Variants in RNF31 observed in about 807,000 individuals in gnomAD.
RNF31 encodes E3 ubiquitin-protein ligase RNF31.
Under a neutral mutation model 133.6 loss-of-function variants are expected in RNF31, and 38 were observed. The observed-to-expected ratio is 0.28, with a 90% confidence interval of 0.22 to 0.37. RNF31 has a LOEUF of 0.37. Among genes scored for constraint, RNF31 ranks in the 10% least tolerant of loss-of-function variants. The pLI, the probability that RNF31 is intolerant of heterozygous loss-of-function variation, is 1.00. For missense variants in RNF31, 1,118 were observed against 1,394.1 expected (o/e 0.80, Z 3.15); for synonymous variants, 582 against 552.3 (o/e 1.05, Z -0.75).
At chr14:24,152,831 C>T (rs1433476477) in intron 11 of RNF31, among the ~76,000 whole-genome samples, 1 of 152,188 alleles carries the variant, frequency 6.6e-6, no homozygotes, top group Non-Finnish European at 1.5e-5. Flanking sequence ...CCTCTAATGC[C>T]AGCACTTTGG....
intron 18 of RNF31, among the ~76,000 whole-genome samples, chr14:24,159,584 CAAAAAA>C (rs59295225): frequency 9.7e-5 from 8 of 82,214 alleles, no homozygotes; most frequent in South Asian, 8.1e-4. Flanking sequence ...AAATAACAAC[CAAAAAA>C]AAAAAAAAAA....
In RNF31 at chr14:24,147,851, G is replaced by A; in HGVS notation, c.153G>A (p.Leu51=). The part of the protein sequence containing the change: ...SLPLAARYLQ[L]DAARLVRCNA... ...CGCTAGCCGCCCGCTACCTGCAGCT[G>A]GACGCCGCACGCCTTGTCCGCTGCA... Residue 51 remains leucine (L), a synonymous_variant, in exon 1 of 21, where the codon CTG becomes CTA. Coordinates refer to ENST00000324103, the MANE Select transcript of RNF31 (RefSeq NM_017999.5). 6.2e-7 allele frequency: 1 copy of A among 1,610,412 alleles called. No homozygotes were observed. The highest frequency in any genetic ancestry group is 8.5e-7 in the Non-Finnish European group (1 of 1,179,554).
rs771625777 is a variant in RNF31 at position 24,150,293 on chromosome 14, G to A, written c.1042G>A (p.Asp348Asn). 1.2e-6 allele frequency: 2 copies of A among 1,614,230 alleles called. No individual in the cohort carries two copies. The highest frequency in any genetic ancestry group is 1.1e-5 in the South Asian group (1 of 91,090). The change falls in exon 7 of 21, where the codon GAT (aspartate) becomes AAT (asparagine). Residue 348 changes from aspartate to asparagine, a missense_variant. By Grantham distance (23) the Asp-to-Asn change is conservative. This residue lies in a region of RNF31 where 747 missense variants were observed against 827.9 expected (regional missense o/e 0.90). Coordinates refer to ENST00000324103, the MANE Select transcript of RNF31 (RefSeq NM_017999.5). ...GPQGTGGLEPDLARGRWACQS... is the reference protein window; with the variant it reads ...GPQGTGGLEPNLARGRWACQS... ...CCAAGGAACTGGAGGCCTAGAACCT[G>A]ATCTTGCACGGGGTCGGTGGGCCTG...
chr14:24,149,897 A>AT (rs770601281), intron 6 of RNF31, among the ~76,000 whole-genome samples, 164 bp from the exon 7 acceptor site: 1 of 152,234 alleles, frequency 6.6e-6, no homozygotes, highest in Non-Finnish European at 1.5e-5. Flanking sequence ...TTAAGCTGTC[A>AT]TTTAAATGTT....
In RNF31 at chr14:24,150,066, C is replaced by T. The variant is rs780888643; in HGVS notation, c.815C>T (p.Pro272Leu). 1.3e-6 allele frequency: 2 copies of T among 1,565,188 alleles called. No individual in the cohort carries two copies. The highest frequency in any genetic ancestry group is 2.3e-5 in the South Asian group (2 of 86,886). The change falls in exon 7 of 21, where the codon CCT becomes CTT. Residue 272 changes from proline to leucine, a missense_variant. Transcript: ENST00000324103. Reference sequence around the variant, plus strand: ...TGTCTGCTTTTCCATTACAGTTTACCTGCCTCAGCCCAACCACGGCCCCAG... The same window carrying T: ...TGTCTGCTTTTCCATTACAGTTTACTTGCCTCAGCCCAACCACGGCCCCAG... The part of the protein sequence containing the change: ...LQGTHLSPSL[P>L]ASAQPRPQST...
rs2139087979 is a variant in RNF31, at chr14:24,155,540, G to A, written c.2403+28G>A. On this transcript the variant is annotated intron_variant, in intron 13 of 20. Transcript: ENST00000324103. The surrounding 1 kb of genome is among the most constrained non-coding windows in gnomAD (Gnocchi z 4.9). ...AAGTGGCCTGCCCAGGGCAGCTACT[G>A]TGGAGGGGCAGGGGATGGTTCCAGG... 6.2e-7 allele frequency: 1 copy of A among 1,613,440 alleles called. No individual in the cohort carries two copies. Among genetic ancestry groups the A allele is most frequent in the Non-Finnish European group, 8.5e-7 (1 of 1,179,324 alleles).
At position 24,157,511 on chromosome 14, in the gene RNF31, C is replaced by T; in HGVS notation, c.2609-9C>T. 6.2e-7 allele frequency: 1 copy of T among 1,613,436 alleles called. No individual in the cohort carries two copies. The highest frequency in any genetic ancestry group is 8.5e-7 in the Non-Finnish European group (1 of 1,179,338). On this transcript the variant is annotated splice_polypyrimidine_tract_variant and intron_variant, in intron 15 of 20. Transcript: ENST00000324103. ...GGCAGCTCCAGCCCTGACCTCTTGTCCTTTGCAGACTGCCCCAAATGCAAG... is the reference window on the plus strand; with the variant it reads ...GGCAGCTCCAGCCCTGACCTCTTGTTCTTTGCAGACTGCCCCAAATGCAAG...
Sources: allele counts gnomAD v4.1 joint callset (sites outside exome capture counted in the v4.1 genomes callset), GRCh38; gene constraint gnomAD v4.1.1; regional missense constraint gnomAD v4.1.1; non-coding constraint Gnocchi (gnomAD v3.1); transcripts MANE v1.5; gene names NCBI Gene and HGNC (gene_info 2026-07-23, HGNC 2026-07-21).